Variants in KCNH7 observed in about 807,000 individuals in gnomAD.
KCNH7 encodes the protein voltage-gated inwardly rectifying potassium channel KCNH7.
In KCNH7, 49 loss-of-function variants were observed where a neutral mutation model predicts 120.8. The observed-to-expected ratio is 0.41, with a 90% CI of 0.32 to 0.51. The LOEUF is 0.51. Ranked by LOEUF, KCNH7 falls within the 20% of genes least tolerant of loss-of-function variation. KCNH7 has a pLI of 0.38. For missense variants in KCNH7, 1,097 were observed against 1,446.6 expected (o/e 0.76, Z 3.92); for synonymous variants, 547 against 516.1 (o/e 1.06, Z -0.81).
chr2:162,621,433 C>T (rs937956013), intron 2 of KCNH7, among the ~76,000 whole-genome samples: 1 of 151,846 alleles, frequency 6.6e-6, no homozygotes, highest in African/African-American at 2.4e-5. Context: ...TGTGTTCCAA[C>T]ATGGGGAAGA....
At chr2:162,434,056 GA>G (rs576120444) in intron 8 of KCNH7, among the ~76,000 whole-genome samples, 86 of 151,698 alleles carry the variant, frequency 5.7e-4, no homozygotes, top group Middle Eastern at 3.4e-3. Context: ...CCATAAAAAA[GA>G]AAAAAAAGCA....
chr2:162,375,620 G>C (rs74334609), intron 14 of KCNH7, among the ~76,000 whole-genome samples: 13 of 152,248 alleles, frequency 8.5e-5, no homozygotes, highest in African/African-American at 2.4e-4. Context: ...ACAAGGGTCT[G>C]TTAGCTTAAT....
chr2:162,630,815 A>C (rs1335042409), intron 2 of KCNH7, among the ~76,000 whole-genome samples: 2 of 152,046 alleles, frequency 1.3e-5, no homozygotes, highest in African/African-American at 4.8e-5. Flanking sequence ...CCCATTAAGG[A>C]TGGAGGTGGG....
chr2:162,587,326 T>C (rs1189939833), intron 2 of KCNH7, among the ~76,000 whole-genome samples: 1 of 152,084 alleles, frequency 6.6e-6, no homozygotes, highest in African/African-American at 2.4e-5. Flanking sequence ...ACTTTTAGAA[T>C]ACAGTGCAAT....
intron 2 of KCNH7, among the ~76,000 whole-genome samples, chr2:162,653,081 CCTAA>C (rs760932436): frequency 2.0e-5 from 3 of 152,086 alleles, no homozygotes; most frequent in South Asian, 2.1e-4. Context: ...AAGGGAAAAG[CCTAA>C]CTAAGCTCTC....
intron 2 of KCNH7, among the ~76,000 whole-genome samples, chr2:162,592,073 A>G (rs1694231634): frequency 1.3e-5 from 2 of 152,104 alleles, no homozygotes; most frequent in African/African-American, 4.8e-5. Context: ...AAGGGGAGGC[A>G]GTCTTATCTT....
chr2:162,644,255 G>T (rs565995440), intron 2 of KCNH7, among the ~76,000 whole-genome samples: 1 of 151,612 alleles, frequency 6.6e-6, no homozygotes, highest in Non-Finnish European at 1.5e-5. Flanking sequence ...AGTAAGAAGT[G>T]ATTTAAATAA....
chr2:162,558,054 T>C (rs961612653), intron 2 of KCNH7, among the ~76,000 whole-genome samples: 1 of 152,216 alleles, frequency 6.6e-6, no homozygotes, highest in Admixed American at 6.5e-5. Context: ...ATTACCTGCT[T>C]TGAGCTTACA....
chr2:162,711,366 T>C (rs1426855413), intron 2 of KCNH7, among the ~76,000 whole-genome samples: 5 of 152,222 alleles, frequency 3.3e-5, no homozygotes, highest in Non-Finnish European at 7.3e-5. Flanking sequence ...GGAAGGCACT[T>C]GAAAACAGTC....
chr2:162,792,103 T>C (rs1466275778), intron 2 of KCNH7, among the ~76,000 whole-genome samples: 1 of 152,156 alleles, frequency 6.6e-6, no homozygotes, highest in Non-Finnish European at 1.5e-5. Flanking sequence ...TTTAGTTATG[T>C]TGAACCAAAC....
intron 6 of KCNH7, among the ~76,000 whole-genome samples, chr2:162,455,921 C>T (rs776643699): frequency 1.2e-4 from 18 of 151,696 alleles, no homozygotes; most frequent in African/African-American, 3.4e-4. Context: ...AAGGGTTTTT[C>T]GTGTCTCGAT....
chr2:162,421,812 G>A (rs933280334), intron 9 of KCNH7, among the ~76,000 whole-genome samples: 3 of 152,222 alleles, frequency 2.0e-5, no homozygotes, highest in Middle Eastern at 6.8e-3. Flanking sequence ...CAAAACTAGA[G>A]TTACATGGAG....
At chr2:162,489,559 A>C (rs752434763) in intron 6 of KCNH7, among the ~76,000 whole-genome samples, 1 of 152,176 alleles carries the variant, frequency 6.6e-6, no homozygotes, top group Non-Finnish European at 1.5e-5. Context: ...AGATCTCAAA[A>C]CTCAAAGTCT....
intron 3 of KCNH7, among the ~76,000 whole-genome samples, chr2:162,529,871 T>C (rs1354713341): frequency 6.6e-6 from 1 of 151,980 alleles, no homozygotes; most frequent in Non-Finnish European, 1.5e-5. Context: ...TTCAATTTCA[T>C]CTTTTATTTT....
intron 2 of KCNH7, among the ~76,000 whole-genome samples, chr2:162,705,967 T>C (rs1245402351): frequency 2.0e-5 from 3 of 152,134 alleles, no homozygotes; most frequent in African/African-American, 7.2e-5. Context: ...TCTACACAAA[T>C]GTACTTGATT....
chr2:162,418,180 T>C (rs1277015590), intron 9 of KCNH7, among the ~76,000 whole-genome samples: 1 of 152,172 alleles, frequency 6.6e-6, no homozygotes, highest in Non-Finnish European at 1.5e-5. Context: ...AACTCCTAAA[T>C]GGTAACTATG....
chr2:162,703,776 C>T (rs899902284), intron 2 of KCNH7, among the ~76,000 whole-genome samples: 5 of 152,246 alleles, frequency 3.3e-5, no homozygotes, highest in African/African-American at 1.2e-4. Flanking sequence ...ATACCATAGT[C>T]ATCACAGTAC....
chr2:162,652,718 C>T (rs1250567619), intron 2 of KCNH7, among the ~76,000 whole-genome samples: 2 of 152,158 alleles, frequency 1.3e-5, no homozygotes, highest in Non-Finnish European at 2.9e-5. Flanking sequence ...TTGTCCATGG[C>T]CCGGGGGCTG....
chr2:162,640,438 C>A (rs1024526144), intron 2 of KCNH7, among the ~76,000 whole-genome samples: 3 of 151,854 alleles, frequency 2.0e-5, no homozygotes, highest in South Asian at 2.1e-4. Flanking sequence ...AAAAATGATT[C>A]AGTGGAAGAA....
Sources: allele counts gnomAD v4.1 joint callset (sites outside exome capture counted in the v4.1 genomes callset), GRCh38; gene constraint gnomAD v4.1.1; transcripts MANE v1.5; gene names NCBI Gene and HGNC (gene_info 2026-07-23, HGNC 2026-07-21).